PRUNE2: variants seen among roughly 807,000 people sequenced by gnomAD.
PRUNE2 encodes the protein prune homolog 2 with BCH domain, also known as protein prune homolog 2.
Under a neutral mutation model 252.0 loss-of-function variants are expected in PRUNE2, and 164 were observed. The observed-to-expected ratio is 0.65, with a 90% CI of 0.57 to 0.74. The LOEUF is 0.74. PRUNE2 is among the 30% of genes least tolerant of loss of function. PRUNE2 has a pLI of 0.00. For missense variants in PRUNE2, 3,495 were observed against 3,711.0 expected (o/e 0.94, Z 1.51); for synonymous variants, 1,292 against 1,350.2 (o/e 0.96, Z 0.94).
chr9:76,741,279 C>G (rs56878970), intron 6 of PRUNE2, among the ~76,000 whole-genome samples: 35,000 of 152,046 alleles, frequency 0.23, 5,334 homozygotes, highest in East Asian at 0.49. Context: ...TTGTAGTTGG[C>G]ATCCCTCTTG....
At chr9:76,864,597 G>A (rs757599432) in intron 1 of PRUNE2, among the ~76,000 whole-genome samples, 2 of 151,978 alleles carry the variant, frequency 1.3e-5, no homozygotes, top group Non-Finnish European at 2.9e-5. Context: ...ATAACAGAGG[G>A]GATGATAATA....
intron 12 of PRUNE2, chr9:76,644,518 A>G: frequency 1.5e-6 from 1 of 648,000 alleles, no homozygotes; most frequent in South Asian, 1.6e-5. Flanking sequence ...TAGCATGAAA[A>G]GCCCGTTTTA....
intron 6 of PRUNE2, among the ~76,000 whole-genome samples, chr9:76,811,302 G>T (rs188028086): frequency 1.3e-5 from 2 of 152,304 alleles, no homozygotes; most frequent in African/African-American, 4.8e-5. Flanking sequence ...GTGCTATGAA[G>T]AAAGTTCCAA....
At chr9:76,664,505 C>T (rs112302539) in intron 9 of PRUNE2, among the ~76,000 whole-genome samples, 19 of 152,158 alleles carry the variant, frequency 1.2e-4, no homozygotes, top group African/African-American at 3.4e-4. Flanking sequence ...AGCTGCTAAA[C>T]TTTGATATTA....
chr9:76,873,731 C>CA (rs2133129222), intron 1 of PRUNE2, among the ~76,000 whole-genome samples: 1 of 152,256 alleles, frequency 6.6e-6, no homozygotes, highest in East Asian at 1.9e-4. Context: ...GTGCTCTGGC[C>CA]AACTATGGAC....
In PRUNE2 at chr9:76,713,585, T is replaced by C. The variant is rs2046907776; in HGVS notation, c.893A>G (p.Glu298Gly). Residue 298 changes from glutamate to glycine, a missense_variant, in exon 7 of 19, where the codon GAA (glutamate) becomes GGA (glycine). Glu to Gly is a moderately conservative substitution (Grantham distance 98, BLOSUM62 -2). Coordinates refer to ENST00000376718, the MANE Select transcript of PRUNE2 (RefSeq NM_015225.3). The stretch of plus-strand genomic sequence containing the variant: ...CACCTGACTGCACAGCTCCATGTTT[T>C]CTGAGTACACAGCAATCTGTCGTCT... ...QPRRQIAVYS[E>G]NMELCSQICC... The C allele has an allele frequency of 6.2e-7, 1 of 1,610,644 alleles. No homozygotes were observed. Among genetic ancestry groups the C allele is most frequent in the African/African-American group, 1.3e-5 (1 of 74,898 alleles).
intron 9 of PRUNE2, among the ~76,000 whole-genome samples, chr9:76,667,373 A>G (rs1040015815): frequency 2.6e-5 from 4 of 152,236 alleles, no homozygotes; most frequent in African/African-American, 4.8e-5. Flanking sequence ...CAGCATCTGC[A>G]GGACGCCCAA....
intron 6 of PRUNE2, chr9:76,819,408 A>T (rs1359323337): frequency 2.0e-5 from 3 of 152,240 alleles, no homozygotes; most frequent in Non-Finnish European, 4.4e-5. Flanking sequence ...ATGCACCAAG[A>T]ACACTACAGA....
chr9:76,638,908 G>C (rs2132676328), intron 12 of PRUNE2, among the ~76,000 whole-genome samples: 1 of 152,306 alleles, frequency 6.6e-6, no homozygotes, highest in South Asian at 2.1e-4. Flanking sequence ...GAGAACCCAT[G>C]AAAAGTTCTA....
At chr9:76,665,784 T>A (rs1031146947) in intron 9 of PRUNE2, among the ~76,000 whole-genome samples, 21 of 152,218 alleles carry the variant, frequency 1.4e-4, no homozygotes, top group African/African-American at 4.3e-4. Context: ...CTGTAATCCC[T>A]GCACTTTGGG....
chr9:76,719,474 CT>C (rs1004141295), intron 6 of PRUNE2, among the ~76,000 whole-genome samples: 2 of 151,744 alleles, frequency 1.3e-5, no homozygotes, highest in Non-Finnish European at 2.9e-5. Context: ...CACTATCAAA[CT>C]TTTTTTTAGA....
chr9:76,625,557 ACAAT>A (rs1305246369), intron 16 of PRUNE2, among the ~76,000 whole-genome samples: 9 of 152,248 alleles, frequency 5.9e-5, no homozygotes, highest in Non-Finnish European at 1.2e-4. Context: ...TCATTAGAAA[ACAAT>A]CAATGTTTAT....
chr9:76,861,558 T>A (rs1002476644), intron 1 of PRUNE2, among the ~76,000 whole-genome samples: 14 of 152,106 alleles, frequency 9.2e-5, no homozygotes, highest in Admixed American at 8.5e-4. Context: ...AAAGCCTCAG[T>A]TCCCCCCGGT....
intron 6 of PRUNE2, among the ~76,000 whole-genome samples, chr9:76,749,181 T>G (rs1347944469): frequency 6.6e-6 from 1 of 152,220 alleles, no homozygotes; most frequent in Non-Finnish European, 1.5e-5. Context: ...GAGTTGTTTT[T>G]CAGAAATCTG....
At chr9:76,764,521 G>A (rs560719900) in intron 6 of PRUNE2, 2 of 152,314 alleles carry the variant, frequency 1.3e-5, no homozygotes, top group African/African-American at 4.8e-5. Flanking sequence ...AGACCAGGAA[G>A]ATCTGCATGG....
At chr9:76,873,958 A>G (rs1430139201) in intron 1 of PRUNE2, among the ~76,000 whole-genome samples, 4 of 152,244 alleles carry the variant, frequency 2.6e-5, no homozygotes, top group African/African-American at 9.6e-5. Flanking sequence ...AATTAAAACT[A>G]TGGAATACTT....
chr9:76,621,757 C>T (rs1037972929), intron 17 of PRUNE2, among the ~76,000 whole-genome samples: 4 of 152,006 alleles, frequency 2.6e-5, no homozygotes, highest in African/African-American at 9.7e-5. Context: ...AATTAGCTCA[C>T]TGCAACCTTG....
intron 16 of PRUNE2, 79 bp downstream of exon 16, chr9:76,629,113 G>T (rs1482718324): frequency 2.4e-6 from 2 of 825,494 alleles, no homozygotes; most frequent in Non-Finnish European, 3.9e-6. Flanking sequence ...AAAGTGCTAG[G>T]ATTACAGGCG....
At chr9:76,737,165 C>A (rs1248682958) in intron 6 of PRUNE2, 1 of 152,194 alleles carries the variant, frequency 6.6e-6, no homozygotes, top group Non-Finnish European at 1.5e-5. Context: ...ATAGAAAGCA[C>A]AAGAGGCTAC....
Sources: gnomAD v4.1 joint callset for allele counts (sites outside exome capture counted in the v4.1 genomes callset) on GRCh38, gnomAD v4.1.1 for gene constraint, MANE v1.5 for transcripts, NCBI Gene and HGNC (gene_info 2026-07-23, HGNC 2026-07-21) for gene names.